The following GGTA1 variants were observed in gnomAD, a reference collection of about 807,000 sequenced individuals.
GGTA1 encodes the protein inactive N-acetyllactosaminide alpha-1,3-galactosyltransferase.
In GGTA1, 5 loss-of-function variants were observed where a neutral mutation model predicts 2.6. That is an observed-to-expected ratio of 1.92 (90% CI 1.00 to 4.04). GGTA1 has a LOEUF of 4.04. Ranked by LOEUF, GGTA1 falls within the 30% of genes most tolerant of loss-of-function variation. The probability of loss-of-function intolerance (pLI) is 0.00; values close to 1 mark genes in which losing one functional copy is unlikely to be tolerated. For missense variants in GGTA1, 50 were observed against 16.7 expected, an observed-to-expected ratio of 2.99 and a Z score of -3.47; for synonymous variants, 17 against 5.0, an observed-to-expected ratio of 3.38 and a Z score of -3.19.
intron 1 of GGTA1, among the ~76,000 whole-genome samples, chr9:121,472,825 G>A (rs1828419783): frequency 6.6e-6 from 1 of 152,186 alleles, no homozygotes; most frequent in Non-Finnish European, 1.5e-5. Context: ...AACTCTCACG[G>A]TTGGAAACAT....
intron 1 of GGTA1, among the ~76,000 whole-genome samples, chr9:121,473,233 T>C (rs987834684): frequency 6.9e-5 from 10 of 145,114 alleles, no homozygotes; most frequent in Non-Finnish European, 1.0e-4. Context: ...GGCAGGAGAA[T>C]CACTTGAACC....
At chr9:121,496,731 C>CAAAAAAAAAAAAAA (rs772847384) in intron 1 of GGTA1, among the ~76,000 whole-genome samples, 1 of 31,212 alleles carries the variant, frequency 3.2e-5, no homozygotes. Context: ...GGCTCCATCT[C>CAAAAAAAAAAAAAA]AAAAAAAAAA....
chr9:121,466,913 A>G (rs1241215271), intron 2 of GGTA1, among the ~76,000 whole-genome samples: 1 of 150,794 alleles, frequency 6.6e-6, no homozygotes, highest in African/African-American at 2.4e-5. Context: ...AGATCATGCC[A>G]CTGTGTTCCA....
chr9:121,455,761 G>T lies in GGTA1; in HGVS notation c.*76C>A, dbSNP rs1054573080. On this transcript the variant is annotated 3_prime_UTR_variant, in exon 6 of 6. Coordinates refer to ENST00000481799, the MANE Select transcript of GGTA1 (RefSeq NM_001382585.1). ...TCCGCCTGTTACACACTCCTTAACC[G>T]CATGATCTCTCAGTCCAGGTCTTCT... The T allele has an allele frequency of 6.7e-6, 3 of 444,896 alleles. No homozygotes were observed. Among genetic ancestry groups the T allele is most frequent in the East Asian group, 7.0e-5 (1 of 14,332 alleles). 27.6% of individuals were successfully genotyped at this position (444,896 alleles called of 1,614,324 possible).
chr9:121,456,609 G>A (rs1299505227), intron 5 of GGTA1, among the ~76,000 whole-genome samples: 1 of 151,956 alleles, frequency 6.6e-6, no homozygotes, highest in African/African-American at 2.4e-5. Context: ...TAAAGACTGG[G>A]TTTGGCACGT....
intron 5 of GGTA1, among the ~76,000 whole-genome samples, chr9:121,457,491 G>A (rs1402212523): frequency 1.3e-5 from 2 of 152,194 alleles, no homozygotes; most frequent in African/African-American, 4.8e-5. Flanking sequence ...ACCAGGTCAG[G>A]AGATTGAGAC....
chr9:121,454,828 C>T (rs192799497), downstream of GGTA1, among the ~76,000 whole-genome samples: 1 of 152,274 alleles, frequency 6.6e-6, no homozygotes, highest in African/African-American at 2.4e-5. Flanking sequence ...GCCTAGCCAA[C>T]ATGGTGAAAC....
intron 1 of GGTA1, among the ~76,000 whole-genome samples, chr9:121,473,990 AAAAGAAAG>A (rs879369140): frequency 6.6e-6 from 1 of 151,592 alleles, no homozygotes; most frequent in African/African-American, 2.4e-5. Context: ...AGAGAGAGAG[AAAAGAAAG>A]AAAGAAAGAA....
At chr9:121,469,693 G>C (rs1186722848) in intron 1 of GGTA1, among the ~76,000 whole-genome samples, 1 of 152,198 alleles carries the variant, frequency 6.6e-6, no homozygotes, top group Non-Finnish European at 1.5e-5. Flanking sequence ...TGGCTGAGGA[G>C]ATAATGTCCT....
chr9:121,468,875 C>T (rs1440185979), intron 1 of GGTA1, among the ~76,000 whole-genome samples: 4 of 152,126 alleles, frequency 2.6e-5, no homozygotes, highest in East Asian at 1.9e-4. Context: ...CCAGTTGCCT[C>T]CCAAGTCTGA....
intron 1 of GGTA1, chr9:121,479,318 G>T (rs1418967972): frequency 8.4e-6 from 3 of 358,294 alleles, no homozygotes; most frequent in African/African-American, 6.4e-5. Context: ...AGAAAGGGAA[G>T]GTGCTGGTTT....
chr9:121,455,953 C>G, intron 5 of GGTA1, 112 bp from the exon 6 acceptor site: 1 of 409,872 alleles, frequency 2.4e-6, no homozygotes, highest in South Asian at 1.8e-5. Context: ...AGGTCAGTGA[C>G]CCTGACTACA....
intron 1 of GGTA1, among the ~76,000 whole-genome samples, chr9:121,471,361 C>G (rs1277201319): frequency 6.6e-6 from 1 of 152,178 alleles, no homozygotes; most frequent in African/African-American, 2.4e-5. Flanking sequence ...GTGTTTTATT[C>G]AACCCTGAAT....
intron 1 of GGTA1, among the ~76,000 whole-genome samples, chr9:121,491,815 G>A (rs1354625372): frequency 6.6e-6 from 1 of 151,994 alleles, no homozygotes. Context: ...TCACCATGTT[G>A]GCCAGGGTGG....
intron 1 of GGTA1, among the ~76,000 whole-genome samples, chr9:121,472,832 A>G (rs1828419961): frequency 6.6e-6 from 1 of 152,186 alleles, no homozygotes; most frequent in Admixed American, 6.5e-5. Context: ...ACGGTTGGAA[A>G]CATTGGCGCT....
chr9:121,485,338 G>A (rs891862195), intron 1 of GGTA1, among the ~76,000 whole-genome samples: 2 of 152,052 alleles, frequency 1.3e-5, no homozygotes, highest in Non-Finnish European at 2.9e-5. Flanking sequence ...TCCCCCGAGA[G>A]TCCCCCACCC....
At chr9:121,485,618 C>G (rs1357449201) in intron 1 of GGTA1, among the ~76,000 whole-genome samples, 1 of 152,158 alleles carries the variant, frequency 6.6e-6, no homozygotes, top group African/African-American at 2.4e-5. Context: ...GGGACTCAGG[C>G]CGGGCTCTGG....
intron 1 of GGTA1, among the ~76,000 whole-genome samples, chr9:121,486,137 C>T (rs1279437457): frequency 3.3e-5 from 5 of 152,234 alleles, no homozygotes; most frequent in Non-Finnish European, 7.3e-5. Flanking sequence ...TAAAACTCCA[C>T]TTGAGTCCAG....
downstream of GGTA1, among the ~76,000 whole-genome samples, chr9:121,453,278 A>G (rs990873522): frequency 6.6e-6 from 1 of 152,210 alleles, no homozygotes; most frequent in Non-Finnish European, 1.5e-5. Flanking sequence ...TTAGACCAGG[A>G]GCATCTTTAC....
Sources: allele counts gnomAD v4.1 joint callset (sites outside exome capture counted in the v4.1 genomes callset), GRCh38; gene constraint gnomAD v4.1.1; transcripts MANE v1.5; gene names NCBI Gene and HGNC (gene_info 2026-07-23, HGNC 2026-07-21).